The following MYO3A variants were observed in gnomAD, a reference collection of about 807,000 sequenced individuals.
MYO3A encodes the protein myosin-IIIa.
Under a neutral mutation model 192.7 loss-of-function variants are expected in MYO3A, and 180 were observed. The observed-to-expected ratio is 0.93, with a 90% CI of 0.83 to 1.06. The LOEUF (loss-of-function observed/expected upper bound fraction) is 1.06, where lower values mean the gene tolerates loss of function less well. MYO3A is among the 50% of genes least tolerant of loss of function. The pLI, the probability that MYO3A is intolerant of heterozygous loss-of-function variation, is 0.00. For synonymous variants in MYO3A, 628 were observed against 645.3 expected, an observed-to-expected ratio of 0.97 and a Z score of 0.41; for missense variants, 1,896 against 1,905.0, an observed-to-expected ratio of 1.00 and a Z score of 0.09.
chr10:25,934,666 G>T (rs1006608275), intron 1 of MYO3A, among the ~76,000 whole-genome samples: 7 of 151,908 alleles, frequency 4.6e-5, no homozygotes, highest in African/African-American at 1.7e-4. Flanking sequence ...GTGAACTCGA[G>T]GGGGAGCCAG....
intron 17 of MYO3A, among the ~76,000 whole-genome samples, chr10:26,118,711 A>G (rs1838669565): frequency 6.6e-6 from 1 of 151,864 alleles, no homozygotes. Flanking sequence ...GGCTCACTGA[A>G]GCCTCCGCCT....
At chr10:26,110,233 C>T (rs1838078455) in intron 17 of MYO3A, among the ~76,000 whole-genome samples, 2 of 152,162 alleles carry the variant, frequency 1.3e-5, no homozygotes, top group African/African-American at 2.4e-5. Context: ...GCTGTCCATT[C>T]TATATCTACT....
chr10:26,012,442 C>CA (rs1325759667), intron 6 of MYO3A, among the ~76,000 whole-genome samples: 2 of 152,078 alleles, frequency 1.3e-5, no homozygotes, highest in East Asian at 3.8e-4. Flanking sequence ...TGCTATACCC[C>CA]AAAACGACCA....
chr10:26,178,707 A>G (rs1842455352), intron 31 of MYO3A, among the ~76,000 whole-genome samples: 1 of 152,230 alleles, frequency 6.6e-6, no homozygotes, highest in African/African-American at 2.4e-5. Context: ...GAACTCAGAC[A>G]GTCTGAAGAC....
intron 32 of MYO3A, among the ~76,000 whole-genome samples, chr10:26,197,022 T>G (rs1436973486): frequency 6.6e-6 from 1 of 152,226 alleles, no homozygotes; most frequent in African/African-American, 2.4e-5. Context: ...TCAAAATGTT[T>G]GTTCTTGATT....
intron 14 of MYO3A, among the ~76,000 whole-genome samples, chr10:26,075,145 T>G (rs1835448970): frequency 6.6e-6 from 1 of 152,132 alleles, no homozygotes. Context: ...TACTATCAAC[T>G]TTGTCATGTA....
chr10:26,068,680 G>T, intron 11 of MYO3A, 88 bp from the exon 12 acceptor site: 1 of 857,138 alleles, frequency 1.2e-6, no homozygotes, highest in East Asian at 2.6e-5. Context: ...CCAGATTCCA[G>T]ATGTTCTGTT....
Position 26,174,053 on chromosome 10 carries a change from A to C in MYO3A, c.3789A>C (p.Ile1263=), listed in dbSNP as rs556683949. ...CAGCATATCTAGAAAGGAAGGCCAT[A>C]TCAGAAAGGCCAAGCTACCCAGTGC... ...SKAAYLERKA[I]SERPSYPVPW... The change falls in exon 30 of 35, where the codon ATA becomes ATC. Residue 1263 remains isoleucine (I), a synonymous_variant. Transcript: ENST00000642920. 10 of 1,614,022 alleles carry C rather than the reference A, an allele frequency of 6.2e-6. No homozygotes were observed. The African/African-American group carries it at 1.3e-4, about 22-fold the overall frequency.
At chr10:25,952,763 A>G (rs1230886335) in intron 3 of MYO3A, among the ~76,000 whole-genome samples, 2 of 152,140 alleles carry the variant, frequency 1.3e-5, no homozygotes, top group African/African-American at 2.4e-5. Flanking sequence ...TTTCCAAAGC[A>G]GACATGGTGT....
chr10:26,202,372 G>T (rs1356264760), intron 33 of MYO3A, among the ~76,000 whole-genome samples: 2 of 152,214 alleles, frequency 1.3e-5, no homozygotes, highest in African/African-American at 4.8e-5. Context: ...GAGCACCATA[G>T]GAACCAGACT....
intron 31 of MYO3A, 123 bp from the exon 32 acceptor site, chr10:26,193,082 T>C: frequency 1.2e-6 from 1 of 807,292 alleles, no homozygotes; most frequent in South Asian, 1.5e-5. Context: ...CAAACGTATT[T>C]CCTTTTTCTC....
chr10:25,997,755 C>T (rs1394014885), intron 6 of MYO3A, among the ~76,000 whole-genome samples: 1 of 152,162 alleles, frequency 6.6e-6, no homozygotes, highest in Non-Finnish European at 1.5e-5. Context: ...TTACCTGTGA[C>T]TAAGATGCTC....
At chr10:25,969,036 A>G (rs1038165506) in intron 4 of MYO3A, among the ~76,000 whole-genome samples, 4 of 152,198 alleles carry the variant, frequency 2.6e-5, no homozygotes, top group Non-Finnish European at 4.4e-5. Context: ...TCAGGAGATC[A>G]AGACCATCCT....
intron 17 of MYO3A, among the ~76,000 whole-genome samples, chr10:26,114,558 C>T (rs563234787): frequency 8.6e-5 from 13 of 151,080 alleles, no homozygotes; most frequent in African/African-American, 1.7e-4. Flanking sequence ...CAAAGTTTGA[C>T]GTCAAAAGAA....
chr10:26,052,578 G>A (rs1046059683), intron 10 of MYO3A, among the ~76,000 whole-genome samples: 16 of 152,168 alleles, frequency 1.1e-4, no homozygotes, highest in Non-Finnish European at 4.4e-5. Flanking sequence ...TACCAATGCT[G>A]GTAGACAACG....
chr10:26,183,907 G>T (rs982844480), intron 31 of MYO3A, among the ~76,000 whole-genome samples: 1 of 152,124 alleles, frequency 6.6e-6, no homozygotes, highest in African/African-American at 2.4e-5. Flanking sequence ...CAGAGTAGAC[G>T]CAAGAGGTCA....
At chr10:26,021,742 T>C in intron 8 of MYO3A, 94 bp downstream of exon 8, 5 of 1,517,906 alleles carry the variant, frequency 3.3e-6, no homozygotes, top group Non-Finnish European at 4.6e-6. Flanking sequence ...GACGTTCAGA[T>C]ATATTCCAAC....
At chr10:26,186,264 TTC>T (rs1491484145) in intron 31 of MYO3A, among the ~76,000 whole-genome samples, 2 of 137,236 alleles carry the variant, frequency 1.5e-5, no homozygotes, top group African/African-American at 5.4e-5. Context: ...AGTGATATCC[TTC>T]TTTTTTTTTT....
Position 26,088,325 on chromosome 10 carries a change from A to G in MYO3A, c.1482A>G (p.Lys494=), listed in dbSNP as rs1836470601. ...SSRFGKYLEM[K]FTSSGAVVGA... is the part of the protein sequence containing the mutation. ...GATTTGGAAAATACTTAGAAATGAAATTCACCTCTTCTGGAGCGGTAGTGG... is the reference window on the plus strand; with the variant it reads ...GATTTGGAAAATACTTAGAAATGAAGTTCACCTCTTCTGGAGCGGTAGTGG... The change falls in exon 15 of 35, where the codon AAA becomes AAG. Residue 494 remains lysine, a synonymous_variant. Coordinates refer to ENST00000642920, the MANE Select transcript of MYO3A (RefSeq NM_017433.5). The G allele has an allele frequency of 6.2e-7, 1 of 1,613,862 alleles. No individual in the cohort carries two copies. The highest frequency in any genetic ancestry group is 1.3e-5 in the African/African-American group (1 of 74,926).
Sources: gnomAD v4.1 joint callset for allele counts (sites outside exome capture counted in the v4.1 genomes callset) on GRCh38, gnomAD v4.1.1 for gene constraint, MANE v1.5 for transcripts, NCBI Gene and HGNC (gene_info 2026-07-23, HGNC 2026-07-21) for gene names.